ATAD2B: variants seen among roughly 807,000 people sequenced by gnomAD.
ATAD2B encodes the protein ATPase family AAA domain containing 2B.
Under a neutral mutation model 167.6 loss-of-function variants are expected in ATAD2B, and 40 were observed. The observed-to-expected ratio is 0.24, with a 90% confidence interval of 0.19 to 0.31. The LOEUF (loss-of-function observed/expected upper bound fraction) is 0.31, where lower values mean the gene tolerates loss of function less well. ATAD2B is among the 10% of genes least tolerant of loss of function. The probability of loss-of-function intolerance (pLI) is 1.00; values close to 1 mark genes in which losing one functional copy is unlikely to be tolerated. For synonymous variants in ATAD2B, 579 were observed against 596.5 expected (o/e 0.97, Z 0.43); for missense variants, 1,242 against 1,757.2 (o/e 0.71, Z 5.24).
chr2:23,821,232 T>C (rs1379223437), intron 16 of ATAD2B, among the ~76,000 whole-genome samples: 1 of 152,126 alleles, frequency 6.6e-6, no homozygotes, highest in Non-Finnish European at 1.5e-5. Flanking sequence ...TAAGAAAACA[T>C]AGATAATAAT....
chr2:23,803,132 GTTT>G (rs1388741002), intron 18 of ATAD2B, among the ~76,000 whole-genome samples: 1 of 152,040 alleles, frequency 6.6e-6, no homozygotes, highest in African/African-American at 2.4e-5. Context: ...GTTTTGTTTT[GTTT>G]TTTAAGAGTG....
At chr2:23,723,334 G>T in the ATAD2B span, among the ~76,000 whole-genome samples, 1 of 147,930 alleles carries the variant, frequency 6.8e-6, no homozygotes, top group Non-Finnish European at 1.5e-5. Flanking sequence ...GAGAAGAAAA[G>T]GAAGGAAAGG....
chr2:23,767,870 T>C (rs1677680495), intron 22 of ATAD2B, among the ~76,000 whole-genome samples: 1 of 150,344 alleles, frequency 6.7e-6, no homozygotes, highest in Admixed American at 6.6e-5. Flanking sequence ...GAGACGGACA[T>C]ACTATTTATA....
At chr2:23,700,154 T>C in the ATAD2B span, among the ~76,000 whole-genome samples, 1 of 152,234 alleles carries the variant, frequency 6.6e-6, no homozygotes, top group Non-Finnish European at 1.5e-5. The surrounding 1 kb of genome is among the most constrained non-coding windows in gnomAD (Gnocchi z 4.6). Context: ...TAATCTTTCA[T>C]TATCCAGTTG....
At chr2:23,722,129 A>G in the ATAD2B span, among the ~76,000 whole-genome samples, 1 of 152,208 alleles carries the variant, frequency 6.6e-6, no homozygotes, top group Admixed American at 6.5e-5. Flanking sequence ...TACTCCATAA[A>G]ATTGGAAGAG....
At chr2:23,895,761 G>A (rs1700073618) in intron 2 of ATAD2B, 58 bp downstream of exon 2, 1 of 1,365,838 alleles carries the variant, frequency 7.3e-7, no homozygotes, top group African/African-American at 1.5e-5. Context: ...ATTAATATCA[G>A]CCCTGAATCA....
chr2:23,897,665 G>A (rs1023761850), intron 1 of ATAD2B, among the ~76,000 whole-genome samples: 2 of 152,014 alleles, frequency 1.3e-5, no homozygotes, highest in Non-Finnish European at 2.9e-5. Flanking sequence ...GTGAGATTTA[G>A]CTAATGTGAG....
chr2:23,833,588 A>G (rs1689412291), intron 14 of ATAD2B, among the ~76,000 whole-genome samples: 2 of 152,186 alleles, frequency 1.3e-5, no homozygotes, highest in Non-Finnish European at 2.9e-5. Flanking sequence ...TAAAAACATT[A>G]TTTTATGAGA....
At chr2:23,713,814 T>C in the ATAD2B span, among the ~76,000 whole-genome samples, 6 of 152,224 alleles carry the variant, frequency 3.9e-5, no homozygotes, top group Admixed American at 2.0e-4. Flanking sequence ...CAAAAATGAA[T>C]ACATTTTGTT....
chr2:23,921,483 T>C (rs1014111935), intron 1 of ATAD2B, among the ~76,000 whole-genome samples: 4 of 152,196 alleles, frequency 2.6e-5, no homozygotes, highest in Non-Finnish European at 1.5e-5. Context: ...AGTTTACCTA[T>C]AATTAGGTAT....
chr2:23,917,895 C>T (rs1008130165), intron 1 of ATAD2B, among the ~76,000 whole-genome samples: 2 of 151,856 alleles, frequency 1.3e-5, no homozygotes, highest in Non-Finnish European at 2.9e-5. Context: ...CCTGTCTCTA[C>T]TAAAAATACA....
At chr2:23,765,879 T>C (rs572957813) in intron 22 of ATAD2B, among the ~76,000 whole-genome samples, 79 of 152,220 alleles carry the variant, frequency 5.2e-4, no homozygotes, top group South Asian at 4.6e-3. Flanking sequence ...GTCTGGAGAA[T>C]TACAAGAAAA....
chr2:23,819,483 TCTGC>T, intron 17 of ATAD2B, among the ~76,000 whole-genome samples: 1 of 111,668 alleles, frequency 9.0e-6, no homozygotes, highest in Non-Finnish European at 2.0e-5. Context: ...AGAGTGAGAC[TCTGC>T]CTCCCAAAAA....
At chr2:23,811,828 A>G (rs1189157777) in intron 17 of ATAD2B, among the ~76,000 whole-genome samples, 5 of 152,090 alleles carry the variant, frequency 3.3e-5, no homozygotes, top group Non-Finnish European at 7.4e-5. Context: ...GGAACAAACT[A>G]AAACAATCAC....
the ATAD2B span, among the ~76,000 whole-genome samples, chr2:23,731,991 A>G: frequency 1.3e-5 from 2 of 151,588 alleles, no homozygotes; most frequent in African/African-American, 4.9e-5. Context: ...GGCAAAAAAA[A>G]AAAAACTCTT....
At chr2:23,788,410 G>T in intron 20 of ATAD2B, 102 bp downstream of exon 20, 1 of 1,288,014 alleles carries the variant, frequency 7.8e-7, no homozygotes, top group Non-Finnish European at 1.1e-6. Flanking sequence ...CTGACAAACT[G>T]TCCTCACTTC....
intron 2 of ATAD2B, among the ~76,000 whole-genome samples, chr2:23,888,888 C>T (rs1333854730): frequency 2.0e-5 from 3 of 152,046 alleles, no homozygotes; most frequent in Non-Finnish European, 4.4e-5. Context: ...GCTGATTTAT[C>T]GAAAGAGCCA....
chr2:23,846,979 T>C (rs559058181), intron 13 of ATAD2B, among the ~76,000 whole-genome samples: 4 of 9,066 alleles, frequency 4.4e-4, no homozygotes, highest in Non-Finnish European at 9.6e-4. Flanking sequence ...CTGGATCTTA[T>C]TAGGGGTAGA....
In ATAD2B at chr2:23,777,329, T is replaced by A. The variant is rs1025432072; in HGVS notation, c.3133+5540A>T. Among the ~76,000 whole-genome samples, 3 of 147,248 alleles carry A rather than the reference T, an allele frequency of 2.0e-5. No homozygotes were observed. The South Asian group carries it at 6.6e-4, about 32-fold the overall frequency. On this transcript the variant is annotated intron_variant, in intron 22 of 27. Transcript: ENST00000238789. Reference sequence around the variant, plus strand: ...CATAGTAGTTATCCGGTAGGCATTATGGATCTATCATAATACTGATATATC... The same window carrying A: ...CATAGTAGTTATCCGGTAGGCATTAAGGATCTATCATAATACTGATATATC...
Sources: allele counts gnomAD v4.1 joint callset (sites outside exome capture counted in the v4.1 genomes callset), GRCh38; gene constraint gnomAD v4.1.1; non-coding constraint Gnocchi (gnomAD v3.1); transcripts MANE v1.5; gene names NCBI Gene and HGNC (gene_info 2026-07-23, HGNC 2026-07-21).